Variants in GRM1 observed in about 807,000 individuals in gnomAD.
GRM1 encodes metabotropic glutamate receptor 1.
A neutral mutation model predicts 90.9 loss-of-function variants in GRM1; 33 were observed. The observed-to-expected ratio is 0.36, with a 90% CI of 0.28 to 0.49. The LOEUF (loss-of-function observed/expected upper bound fraction) is 0.49. Ranked by LOEUF, GRM1 falls within the 20% of genes least tolerant of loss-of-function variation. GRM1 has a pLI of 0.99. For missense variants in GRM1, 1,190 were observed against 1,534.3 expected (o/e 0.78, Z 3.75); for synonymous variants, 700 against 613.2 (o/e 1.14, Z -2.09).
intron 6 of GRM1, among the ~76,000 whole-genome samples, chr6:146,390,093 T>A (rs1427054865): frequency 1.3e-5 from 2 of 152,120 alleles, no homozygotes; most frequent in African/African-American, 4.8e-5. Flanking sequence ...CACTAAATAT[T>A]AGTTAAAATG....
intron 5 of GRM1, among the ~76,000 whole-genome samples, chr6:146,379,532 T>G (rs1278566240): frequency 6.6e-6 from 1 of 152,216 alleles, no homozygotes; most frequent in Non-Finnish European, 1.5e-5. Context: ...TTTTGAAGTC[T>G]GTCTGAAAGG....
chr6:146,363,983 A>G (rs1583390407), intron 5 of GRM1, among the ~76,000 whole-genome samples: 1 of 152,226 alleles, frequency 6.6e-6, no homozygotes, highest in Admixed American at 6.5e-5. Context: ...AAGGCAGGGG[A>G]AAATGAGGTT....
intron 2 of GRM1, among the ~76,000 whole-genome samples, chr6:146,267,670 GGGCTGGGCTGGGCTC>G (rs1363439125): frequency 0.032 from 3,949 of 125,102 alleles, 306 homozygotes; most frequent in African/African-American, 0.12. Flanking sequence ...GGGCTGGGCT[GGGCTGGGCTGGGCTC>G]GGCTCGGCTC....
chr6:146,202,876 G>A (rs568631612), intron 2 of GRM1, among the ~76,000 whole-genome samples: 1 of 152,236 alleles, frequency 6.6e-6, no homozygotes, highest in Admixed American at 6.5e-5. Context: ...TATTCCTTAG[G>A]ATAATGCTAG....
Position 146,338,817 on chromosome 6 carries a change from C to CG in GRM1, c.1187-13431dup, listed in dbSNP as rs1784868521. ...GGATCTGCCCTGCCCCCTCCACACTCGGTATCTCCTCTCTGTTTGCACCAC... is the reference window on the plus strand; with the variant it reads ...GGATCTGCCCTGCCCCCTCCACACTCGGGTATCTCCTCTCTGTTTGCACCAC... On this transcript the variant is annotated intron_variant, in intron 3 of 7. Coordinates refer to ENST00000282753, the MANE Select transcript of GRM1 (RefSeq NM_001278064.2). Among the ~76,000 whole-genome samples, 3 of 152,100 alleles carry CG rather than the reference C, an allele frequency of 2.0e-5. No individual in the cohort carries two copies. In the South Asian group the frequency reaches 6.2e-4, roughly 31 times the overall value.
chr6:146,268,867 A>C (rs1428946305), intron 2 of GRM1, among the ~76,000 whole-genome samples: 1 of 152,204 alleles, frequency 6.6e-6, no homozygotes, highest in East Asian at 1.9e-4. Context: ...TTCAAAATAT[A>C]CTACAAAGTT....
chr6:146,383,802 G>A (rs1208113825), intron 5 of GRM1, among the ~76,000 whole-genome samples: 1 of 152,080 alleles, frequency 6.6e-6, no homozygotes, highest in Non-Finnish European at 1.5e-5. Context: ...AGGAATATTT[G>A]ATCATTTTTA....
At chr6:146,316,442 G>T (rs1424878837) in intron 3 of GRM1, among the ~76,000 whole-genome samples, 25 of 152,172 alleles carry the variant, frequency 1.6e-4, no homozygotes, top group Admixed American at 1.6e-3. Context: ...TGATTAGGAC[G>T]TGGCATCTTT....
At chr6:146,137,077 T>A (rs1025014012) in intron 1 of GRM1, among the ~76,000 whole-genome samples, 2 of 152,092 alleles carry the variant, frequency 1.3e-5, no homozygotes, top group Non-Finnish European at 2.9e-5. Flanking sequence ...GATTTTGAAC[T>A]CCTGACCTCA....
chr6:146,077,142 A>T (rs1246657079), intron 1 of GRM1, among the ~76,000 whole-genome samples: 1 of 152,208 alleles, frequency 6.6e-6, no homozygotes, highest in Non-Finnish European at 1.5e-5. Flanking sequence ...TTGAAGCTAC[A>T]GTATGGAGTG....
chr6:146,186,941 A>AG (rs1443647354), intron 2 of GRM1, among the ~76,000 whole-genome samples: 1 of 152,206 alleles, frequency 6.6e-6, no homozygotes, highest in Non-Finnish European at 1.5e-5. Context: ...GGAACTTTAA[A>AG]GGTCTCTACC....
intron 7 of GRM1, among the ~76,000 whole-genome samples, chr6:146,405,207 A>G (rs1777303314): frequency 6.6e-6 from 1 of 152,156 alleles, no homozygotes; most frequent in Admixed American, 6.5e-5. Flanking sequence ...TTAAGTCTGG[A>G]GCTTAAGAGA....
intron 2 of GRM1, among the ~76,000 whole-genome samples, chr6:146,257,886 T>C (rs1781545138): frequency 6.6e-6 from 1 of 152,064 alleles, no homozygotes; most frequent in South Asian, 2.1e-4. Context: ...AGAAATAATG[T>C]TTAATCCGAG....
chr6:146,398,223 T>C (rs1442071999), intron 6 of GRM1, among the ~76,000 whole-genome samples: 2 of 152,142 alleles, frequency 1.3e-5, no homozygotes, highest in Non-Finnish European at 2.9e-5. Flanking sequence ...AGGTATAATA[T>C]AGAGTTATGC....
chr6:146,238,475 C>T (rs778871650), intron 2 of GRM1, among the ~76,000 whole-genome samples: 19 of 152,010 alleles, frequency 1.2e-4, no homozygotes, highest in Non-Finnish European at 2.2e-4. Context: ...AAGAGGTGGA[C>T]ATGTGATATG....
At chr6:146,318,299 C>G (rs1280877035) in intron 3 of GRM1, among the ~76,000 whole-genome samples, 1 of 152,102 alleles carries the variant, frequency 6.6e-6, no homozygotes, top group Admixed American at 6.5e-5. Context: ...TGGTTTCCAG[C>G]TTCATCCATG....
chr6:146,126,546 A>G (rs1463129506), intron 1 of GRM1, among the ~76,000 whole-genome samples: 2 of 152,128 alleles, frequency 1.3e-5, no homozygotes, highest in African/African-American at 4.8e-5. Context: ...TTTGAACTAA[A>G]CAATTATTTC....
intron 3 of GRM1, among the ~76,000 whole-genome samples, chr6:146,316,539 G>T (rs1783976014): frequency 6.6e-6 from 1 of 152,192 alleles, no homozygotes; most frequent in Non-Finnish European, 1.5e-5. Flanking sequence ...ATTCTTTAGT[G>T]CCTTCTACTG....
chr6:146,386,834 A>T, intron 5 of GRM1, 56 bp from the exon 6 acceptor site: 1 of 1,404,098 alleles, frequency 7.1e-7, no homozygotes, highest in Non-Finnish European at 1.0e-6. Context: ...CTCATCTGAA[A>T]TAGAAGCTTT....
Sources: allele counts gnomAD v4.1 joint callset (sites outside exome capture counted in the v4.1 genomes callset), GRCh38; gene constraint gnomAD v4.1.1; transcripts MANE v1.5; gene names NCBI Gene and HGNC (gene_info 2026-07-23, HGNC 2026-07-21).